Variants in LRIT3 observed in about 807,000 individuals in gnomAD.
LRIT3 encodes the protein leucine rich repeat, Ig-like and transmembrane domains 3.
Under a neutral mutation model 22.6 loss-of-function variants are expected in LRIT3, and 14 were observed. That is an observed-to-expected ratio of 0.62 (90% confidence interval 0.41 to 0.97). The LOEUF is 0.97. Among genes scored for constraint, LRIT3 ranks in the 50% least tolerant of loss-of-function variants. LRIT3 has a pLI of 0.00. For synonymous variants in LRIT3, 306 were observed against 304.5 expected, an observed-to-expected ratio of 1.01 and a Z score of -0.05; for missense variants, 783 against 803.0, an observed-to-expected ratio of 0.98 and a Z score of 0.30.
chr4:109,854,155 T>G (rs1734345165), intron 2 of LRIT3, among the ~76,000 whole-genome samples: 1 of 152,244 alleles, frequency 6.6e-6, no homozygotes, highest in African/African-American at 2.4e-5. Flanking sequence ...GGGTTAGCAT[T>G]GAATCTATAA....
chr4:109,849,462 A>G (rs186486327), intron 1 of LRIT3, among the ~76,000 whole-genome samples: 136 of 152,360 alleles, frequency 8.9e-4, no homozygotes, highest in Non-Finnish European at 1.2e-3. Flanking sequence ...TTGTCAGTTT[A>G]TAAGTGAAGA....
In LRIT3 at chr4:109,869,946, T is replaced by G; in HGVS notation, c.1197T>G (p.Ala399=). Residue 399 remains alanine (A), a synonymous_variant, in exon 4 of 4, where the codon GCT becomes GCG. Coordinates refer to ENST00000594814, the MANE Select transcript of LRIT3 (RefSeq NM_198506.5). ...TCTCCCCCACATCTTCTTTTTCTGC[T>G]TCTACTTTGTCTCCTCCCTCTACTG... ...SSFSPTSSFS[A]STLSPPSTAS... is the part of the protein sequence containing the mutation. The G allele has an allele frequency of 6.2e-7, 1 of 1,614,188 alleles. No homozygotes were observed. Among genetic ancestry groups the G allele is most frequent in the South Asian group, 1.1e-5 (1 of 91,084 alleles).
chr4:109,860,465 C>T (rs929749612), intron 2 of LRIT3, among the ~76,000 whole-genome samples: 1 of 152,184 alleles, frequency 6.6e-6, no homozygotes, highest in Non-Finnish European at 1.5e-5. Context: ...CTAATCCTCA[C>T]CCTCTTTCTA....
In LRIT3 at chr4:109,870,840, T is replaced by C; in HGVS notation, c.*51T>C. The C allele has an allele frequency of 9.3e-6, 14 of 1,502,228 alleles. No individual in the cohort carries two copies. Among genetic ancestry groups the C allele is most frequent in the Non-Finnish European group, 1.2e-5 (14 of 1,122,116 alleles). 93.1% of individuals were successfully genotyped at this position (1,502,228 alleles called of 1,614,324 possible). On this transcript the variant is annotated 3_prime_UTR_variant, in exon 4 of 4. Transcript: ENST00000594814. ...GCTACAAAACTAGCATCTAAGGGTA[T>C]AATTGACCCTAGGTTTGGATGACTT...
At chr4:109,858,549 C>A (rs1300976889) in intron 2 of LRIT3, among the ~76,000 whole-genome samples, 1 of 152,088 alleles carries the variant, frequency 6.6e-6, no homozygotes, top group Non-Finnish European at 1.5e-5. Flanking sequence ...GACTCTTCCC[C>A]ACATTAAAAT....
At chr4:109,854,375 T>G (rs1734350316) in intron 2 of LRIT3, among the ~76,000 whole-genome samples, 1 of 152,224 alleles carries the variant, frequency 6.6e-6, no homozygotes, top group Non-Finnish European at 1.5e-5. Context: ...CACTCATGAT[T>G]TGGCTCTGTT....
At position 109,867,906 on chromosome 4, in the gene LRIT3, C is replaced by G. The variant is rs1275143197; in HGVS notation, c.855C>G (p.Ile285Met). ...CDATGFPTPQ[I>M]TWTRSDSSPV... ...CCACTGGCTTCCCCACCCCACAGAT[C>G]ACATGGACCAGATCTGACAGCTCGC... Residue 285 changes from isoleucine (I) to methionine (M), a missense_variant, in exon 3 of 4, where the codon ATC (isoleucine) becomes ATG (methionine). Ile to Met is a conservative substitution (Grantham distance 10). This residue lies in a region of LRIT3 where 756 missense variants were observed against 753.8 expected (regional missense o/e 1.00). Coordinates refer to ENST00000594814, the MANE Select transcript of LRIT3 (RefSeq NM_198506.5). The G allele has an allele frequency of 3.1e-6, 5 of 1,613,620 alleles. No homozygotes were observed. In the Admixed American group the frequency reaches 8.3e-5, roughly 27 times the overall value.
chr4:109,869,778 G>T lies in LRIT3; in HGVS notation c.1029G>T (p.Val343=), dbSNP rs199943498. The change falls in exon 4 of 4, where the codon GTG becomes GTT. Residue 343 remains valine, a synonymous_variant. Coordinates refer to ENST00000594814, the MANE Select transcript of LRIT3 (RefSeq NM_198506.5). The part of the protein sequence containing the change: ...LAGMSEAVVT[V]TVLGITTTPI... ...GGATGTCAGAAGCTGTGGTTACTGT[G>T]ACAGTGCTTGGCATTACCACAACTC... 731 of 1,613,790 alleles carry T rather than the reference G, an allele frequency of 4.5e-4. No individual in the cohort carries two copies. The highest frequency in any genetic ancestry group is 5.8e-4 in the Non-Finnish European group (680 of 1,179,814).
intron 2 of LRIT3, among the ~76,000 whole-genome samples, chr4:109,863,089 A>G (rs1734588315): frequency 6.6e-6 from 1 of 152,352 alleles, no homozygotes; most frequent in African/African-American, 2.4e-5. Flanking sequence ...AAAGGGTATT[A>G]GATTAGGATG....
chr4:109,867,974 A>C (rs1272001370), intron 3 of LRIT3, 28 bp downstream of exon 3: 1 of 1,583,548 alleles, frequency 6.3e-7, no homozygotes, highest in East Asian at 2.2e-5. Context: ...CCCCATGATC[A>C]AAGGAGTTTA....
intron 2 of LRIT3, 49 bp downstream of exon 2, chr4:109,852,025 C>T: frequency 1.4e-6 from 2 of 1,444,682 alleles, no homozygotes; most frequent in Non-Finnish European, 1.8e-6. Context: ...CTTTGCTATG[C>T]ATAGCTTTTT....
At chr4:109,862,623 A>G (rs1734574338) in intron 2 of LRIT3, among the ~76,000 whole-genome samples, 2 of 152,224 alleles carry the variant, frequency 1.3e-5, no homozygotes, top group Admixed American at 1.3e-4. Context: ...CATGAAATAA[A>G]TTGTTAACAT....
intron 3 of LRIT3, 142 bp downstream of exon 3, chr4:109,868,088 A>G (rs562827770): frequency 6.0e-6 from 5 of 834,756 alleles, no homozygotes; most frequent in Non-Finnish European, 9.1e-6. Flanking sequence ...TTAAAGGTAC[A>G]TTTTATTCAT....
chr4:109,864,707 A>C (rs1383079051), intron 2 of LRIT3, among the ~76,000 whole-genome samples: 1 of 152,226 alleles, frequency 6.6e-6, no homozygotes, highest in Non-Finnish European at 1.5e-5. Flanking sequence ...AAAGTAAAAT[A>C]AACTACTGAA....
Position 109,856,508 on chromosome 4 carries a change from T to C in LRIT3, c.589+4532T>C, listed in dbSNP as rs183850518. Among the ~76,000 whole-genome samples, 4 of 152,288 alleles carry C rather than the reference T, an allele frequency of 2.6e-5. No individual in the cohort carries two copies. The East Asian group carries it at 7.7e-4, about 29-fold the overall frequency. On this transcript the variant is annotated intron_variant, in intron 2 of 3. Transcript: ENST00000594814. ...GAGATACCATCTAAAACTTCATCAC[T>C]GGGTAAAGAAGTTAAGTGTGCTTGA...
At chr4:109,858,536 G>A (rs180730738) in intron 2 of LRIT3, among the ~76,000 whole-genome samples, 78 of 152,246 alleles carry the variant, frequency 5.1e-4, no homozygotes, top group African/African-American at 1.7e-3. Flanking sequence ...AAACACAAGC[G>A]TAGACTCTTC....
intron 2 of LRIT3, among the ~76,000 whole-genome samples, chr4:109,863,525 T>C (rs1734600382): frequency 6.6e-6 from 1 of 152,230 alleles, no homozygotes; most frequent in African/African-American, 2.4e-5. Flanking sequence ...CAGACATTGA[T>C]TACCTTTTAT....
intron 2 of LRIT3, among the ~76,000 whole-genome samples, chr4:109,856,797 A>T (rs1231844724): frequency 6.6e-6 from 1 of 152,164 alleles, no homozygotes; most frequent in African/African-American, 2.4e-5. Flanking sequence ...CTGACTGAGA[A>T]TTCCACATTC....
chr4:109,851,112 T>C (rs1239530041), intron 1 of LRIT3, among the ~76,000 whole-genome samples: 1 of 152,240 alleles, frequency 6.6e-6, no homozygotes. Flanking sequence ...TGGGTGACCT[T>C]GGAAAGTTAC....
Sources: allele counts gnomAD v4.1 joint callset (sites outside exome capture counted in the v4.1 genomes callset), GRCh38; gene constraint gnomAD v4.1.1; regional missense constraint gnomAD v4.1.1; transcripts MANE v1.5; gene names NCBI Gene and HGNC (gene_info 2026-07-23, HGNC 2026-07-21).